The following CRACD variants were observed in gnomAD, a reference collection of about 807,000 sequenced individuals.
The protein encoded by CRACD is capping protein inhibiting regulator of actin dynamics.
In CRACD, 56 loss-of-function variants were observed where a neutral mutation model predicts 106.8. That is an observed-to-expected ratio of 0.52 (90% CI 0.42 to 0.66). CRACD has a LOEUF of 0.66. Ranked by LOEUF, CRACD falls within the 30% of genes least tolerant of loss-of-function variation. CRACD has a pLI of 0.00. For synonymous variants in CRACD, 754 were observed against 670.8 expected (o/e 1.12, Z -1.92); for missense variants, 1,730 against 1,623.2 (o/e 1.07, Z -1.13).
intron 1 of CRACD, among the ~76,000 whole-genome samples, chr4:56,080,405 A>T (rs778423174): frequency 4.6e-5 from 7 of 152,210 alleles, no homozygotes; most frequent in Non-Finnish European, 7.4e-5. Flanking sequence ...AAGTACACAC[A>T]ATCAGATATT....
chr4:56,197,717 T>C (rs565547371), intron 2 of CRACD, among the ~76,000 whole-genome samples: 50 of 152,140 alleles, frequency 3.3e-4, no homozygotes, highest in Non-Finnish European at 6.9e-4. Flanking sequence ...CTCACTCTGT[T>C]GCCCCGCTGG....
intron 2 of CRACD, among the ~76,000 whole-genome samples, chr4:56,243,981 C>T (rs910874696): frequency 1.3e-5 from 2 of 152,156 alleles, no homozygotes; most frequent in African/African-American, 4.8e-5. Flanking sequence ...TCCGTGAGTT[C>T]AAAGATAGTG....
chr4:56,325,644 G>C (rs1746395188), intron 10 of CRACD, among the ~76,000 whole-genome samples: 5 of 152,160 alleles, frequency 3.3e-5, no homozygotes, highest in Admixed American at 3.3e-4. Flanking sequence ...TTGGTTAAAA[G>C]GTAAAACGAT....
intron 2 of CRACD, among the ~76,000 whole-genome samples, chr4:56,228,274 A>T (rs1189355786): frequency 1.3e-5 from 2 of 152,192 alleles, no homozygotes; most frequent in African/African-American, 2.4e-5. Context: ...AGTATATTAT[A>T]ACACTCTTTA....
rs550745711 is a variant in CRACD, at chr4:56,272,348, C to T, written c.-161C>T. The T allele has an allele frequency of 6.5e-6, 1 of 153,056 alleles. No individual in the cohort carries two copies. Among genetic ancestry groups the T allele is most frequent in the South Asian group, 2.1e-4 (1 of 4,830 alleles). 9.5% of individuals were successfully genotyped at this position (153,056 alleles called of 1,614,324 possible). ...AAGAAGAAGGGAGGCAAATTCCAGC[C>T]TTTTAAAAAGTTGTTTGGCAAAAGG... On this transcript the variant is annotated 5_prime_UTR_variant, in exon 3 of 11. Transcript: ENST00000682029.
chr4:56,200,675 C>G (rs994414828), intron 2 of CRACD, among the ~76,000 whole-genome samples: 2 of 152,170 alleles, frequency 1.3e-5, no homozygotes, highest in African/African-American at 4.8e-5. Context: ...ACAAAGAATA[C>G]ACTGTAGTAT....
chr4:56,299,846 C>A (rs200731709), intron 4 of CRACD, among the ~76,000 whole-genome samples: 41 of 136,462 alleles, frequency 3.0e-4, no homozygotes, highest in African/African-American at 3.9e-4. Context: ...AATAAACGAG[C>A]AAAAAAAAAA....
At chr4:56,303,843 G>T (rs776364891) in intron 4 of CRACD, among the ~76,000 whole-genome samples, 7 of 152,198 alleles carry the variant, frequency 4.6e-5, no homozygotes, top group Non-Finnish European at 1.5e-5. Context: ...ACAGTGCTTC[G>T]TCTGGACATA....
At chr4:56,271,674 A>AT (rs757988165) in intron 2 of CRACD, among the ~76,000 whole-genome samples, 3 of 152,188 alleles carry the variant, frequency 2.0e-5, no homozygotes, top group African/African-American at 7.2e-5. Flanking sequence ...GCACTGCCTT[A>AT]TTGCATGTGC....
At chr4:56,068,417 C>G (rs1732531602) in intron 1 of CRACD, among the ~76,000 whole-genome samples, 1 of 152,084 alleles carries the variant, frequency 6.6e-6, no homozygotes, top group Non-Finnish European at 1.5e-5. Flanking sequence ...GCCTGGAGGG[C>G]CATCAGAAGG....
chr4:56,245,398 T>C (rs1560500062), intron 2 of CRACD, among the ~76,000 whole-genome samples: 2 of 152,330 alleles, frequency 1.3e-5, no homozygotes, highest in African/African-American at 4.8e-5. Flanking sequence ...CTATGGTATC[T>C]TTTGTCACAT....
At chr4:56,143,784 A>G (rs567546287) in intron 1 of CRACD, among the ~76,000 whole-genome samples, 12 of 152,262 alleles carry the variant, frequency 7.9e-5, no homozygotes, top group Non-Finnish European at 1.3e-4. Context: ...CATTATTTTA[A>G]TAAACATATA....
At chr4:56,137,626 A>C (rs1577686353) in intron 1 of CRACD, among the ~76,000 whole-genome samples, 1 of 152,224 alleles carries the variant, frequency 6.6e-6, no homozygotes, top group Non-Finnish European at 1.5e-5. Context: ...CTCTTACTTC[A>C]TTATGGCCAG....
At chr4:56,220,072 C>T (rs1202695383) in intron 2 of CRACD, among the ~76,000 whole-genome samples, 5 of 152,150 alleles carry the variant, frequency 3.3e-5, no homozygotes, top group Admixed American at 6.5e-5. Flanking sequence ...CACTCAGAAA[C>T]TTACCTTTGG....
chr4:56,220,789 C>T (rs151021704), intron 2 of CRACD, among the ~76,000 whole-genome samples: 1 of 152,168 alleles, frequency 6.6e-6, no homozygotes, highest in Non-Finnish European at 1.5e-5. Context: ...GGACTGTGGG[C>T]ATAGTGGATA....
chr4:56,262,499 A>G (rs1449030662), intron 2 of CRACD, among the ~76,000 whole-genome samples: 2 of 149,008 alleles, frequency 1.3e-5, no homozygotes, highest in African/African-American at 4.9e-5. Flanking sequence ...TTCTTAAAAC[A>G]TTATGAGATT....
At position 56,328,202 on chromosome 4, in the gene CRACD, C is replaced by T; in HGVS notation, c.*398C>T. ...GATTCTATGCACTAATTTTCTTTGT[C>T]CAAAACATTTACTCTACCATATGTC... On this transcript the variant is annotated 3_prime_UTR_variant, in exon 11 of 11. Coordinates refer to ENST00000682029, the MANE Select transcript of CRACD (RefSeq NM_001393381.1). 2.4e-6 allele frequency: 1 copy of T among 425,036 alleles called. No individual in the cohort carries two copies. Among genetic ancestry groups the T allele is most frequent in the Non-Finnish European group, 4.6e-6 (1 of 217,370 alleles). 26.3% of individuals were successfully genotyped at this position (425,036 alleles called of 1,614,324 possible). A position where few individuals can be genotyped will look rare whatever the true frequency, so the allele number is the denominator to read the frequency against.
chr4:56,103,936 G>C (rs374186949), intron 1 of CRACD, among the ~76,000 whole-genome samples: 75 of 152,174 alleles, frequency 4.9e-4, no homozygotes, highest in African/African-American at 1.7e-3. Flanking sequence ...CACCAAGCCT[G>C]GCTAGTTTTT....
At chr4:56,086,732 C>G (rs769443320) in intron 1 of CRACD, among the ~76,000 whole-genome samples, 1 of 152,120 alleles carries the variant, frequency 6.6e-6, no homozygotes, top group Non-Finnish European at 1.5e-5. Flanking sequence ...TTCCTCTTAT[C>G]GTTTCTCCAT....
Sources: gnomAD v4.1 joint callset for allele counts (sites outside exome capture counted in the v4.1 genomes callset) on GRCh38, gnomAD v4.1.1 for gene constraint, MANE v1.5 for transcripts, NCBI Gene and HGNC (gene_info 2026-07-23, HGNC 2026-07-21) for gene names.